NEK9: variants seen among roughly 807,000 people sequenced by gnomAD.
The protein encoded by NEK9 is serine/threonine-protein kinase Nek9.
Under a neutral mutation model 123.4 loss-of-function variants are expected in NEK9, and 75 were observed. The observed-to-expected ratio is 0.61, with a 90% CI of 0.50 to 0.74. The LOEUF (loss-of-function observed/expected upper bound fraction) is 0.74, where lower values mean the gene tolerates loss of function less well. NEK9 is among the 30% of genes least tolerant of loss of function. The pLI is 0.00. For missense variants in NEK9, 952 were observed against 1,214.4 expected (o/e 0.78, Z 3.21); for synonymous variants, 438 against 458.7 (o/e 0.95, Z 0.58).
chr14:75,087,314 A>C, intron 20 of NEK9, 84 bp from the exon 21 acceptor site: 1 of 957,932 alleles, frequency 1.0e-6, no homozygotes, highest in Non-Finnish European at 1.6e-6. Flanking sequence ...GTGCAATCGG[A>C]TTTTACTTTT....
chr14:75,102,643 T>G (rs175471), intron 14 of NEK9, among the ~76,000 whole-genome samples: 4 of 152,102 alleles, frequency 2.6e-5, no homozygotes, highest in Non-Finnish European at 5.9e-5. Flanking sequence ...TGAGCCACCG[T>G]GCCCGGCAAC....
Position 75,117,659 on chromosome 14 carries a change from T to C in NEK9, c.631-333A>G, listed in dbSNP as rs527935038. ...TACACAAACTTAAAGACATACTTAG[T>C]AGAAGTTCACCAATGGGAAAAAAAT... On this transcript the variant is annotated intron_variant, in intron 5 of 21. Coordinates refer to ENST00000238616, the MANE Select transcript of NEK9 (RefSeq NM_033116.6). 1.2e-4 allele frequency among the ~76,000 whole-genome samples: 18 copies of C among 152,202 alleles called. 1 individual carries two copies. Among genetic ancestry groups the C allele is most frequent in the Middle Eastern group, 3.4e-3 (1 of 294 alleles).
In NEK9 at chr14:75,088,643, T is replaced by A. The variant is rs1265939487; in HGVS notation, c.2443-2A>T. On this transcript the variant is annotated splice_acceptor_variant, in intron 19 of 21. Coordinates refer to ENST00000238616, the MANE Select transcript of NEK9 (RefSeq NM_033116.6). LOFTEE classifies it high-confidence loss of function. ...GATAAATTCTGCATTTTCCAGCTCCTATGTATATGAGAAAGAATCTCATTA... is the reference window on the plus strand; with the variant it reads ...GATAAATTCTGCATTTTCCAGCTCCAATGTATATGAGAAAGAATCTCATTA... The A allele has an allele frequency of 6.2e-7, 1 of 1,612,320 alleles. No homozygotes were observed. The highest frequency in any genetic ancestry group is 1.3e-5 in the African/African-American group (1 of 74,848).
At chr14:75,109,177 CACAG>C (rs1894879123) in intron 10 of NEK9, among the ~76,000 whole-genome samples, 1 of 152,154 alleles carries the variant, frequency 6.6e-6, no homozygotes. Context: ...AGACAGCAAA[CACAG>C]ACAATTTGTT....
chr14:75,090,722 C>G (rs1023354684), intron 19 of NEK9, among the ~76,000 whole-genome samples: 10 of 152,092 alleles, frequency 6.6e-5, no homozygotes, highest in African/African-American at 2.2e-4. Flanking sequence ...TAGGTGCACA[C>G]TACTACACCC....
chr14:75,088,390 C>A (rs1894092981), intron 20 of NEK9, 90 bp downstream of exon 20: 1 of 1,368,464 alleles, frequency 7.3e-7, no homozygotes. Context: ...GCAGCTGAAA[C>A]CCAAAAGCTA....
chr14:75,102,993 TGA>T (rs1421717980), intron 14 of NEK9, among the ~76,000 whole-genome samples: 1 of 145,728 alleles, frequency 6.9e-6, no homozygotes, highest in African/African-American at 2.6e-5. Context: ...AATTGAACAA[TGA>T]GAACACCTGG....
At chr14:75,109,020 G>A (rs1316029527) in intron 10 of NEK9, among the ~76,000 whole-genome samples, 3 of 152,180 alleles carry the variant, frequency 2.0e-5, no homozygotes, top group Non-Finnish European at 4.4e-5. Flanking sequence ...GCTGCCGAGA[G>A]GTCAAGCTAG....
intron 14 of NEK9, among the ~76,000 whole-genome samples, chr14:75,103,142 T>C (rs1894647117): frequency 6.6e-6 from 1 of 151,242 alleles, no homozygotes; most frequent in Non-Finnish European, 1.5e-5. Context: ...TGTATACATA[T>C]GTAACAAACC....
At chr14:75,107,549 T>TA (rs1331353837) in intron 10 of NEK9, 62 bp from the exon 11 acceptor site, 5 of 1,376,314 alleles carry the variant, frequency 3.6e-6, no homozygotes, top group Non-Finnish European at 4.8e-6. Flanking sequence ...ACTTAAATTT[T>TA]AAAGAGATGG....
intron 3 of NEK9, 136 bp from the exon 4 acceptor site, chr14:75,120,716 G>A: frequency 2.9e-6 from 2 of 687,284 alleles, no homozygotes; most frequent in Non-Finnish European, 4.9e-6. Flanking sequence ...TCTCTTCCTT[G>A]CAGGTTGAGT....
chr14:75,104,033 A>T (rs1293094435), intron 13 of NEK9, 36 bp from the exon 14 acceptor site: 1 of 1,576,362 alleles, frequency 6.3e-7, no homozygotes, highest in Admixed American at 1.9e-5. Context: ...AATCCCAAAT[A>T]TATAATTCGT....
chr14:75,125,931 G>T (rs556307166), intron 1 of NEK9, among the ~76,000 whole-genome samples: 1 of 152,252 alleles, frequency 6.6e-6, no homozygotes, highest in South Asian at 2.1e-4. Flanking sequence ...TCACTGCAGG[G>T]TTTTACACTA....
chr14:75,115,443 C>A (rs1352772522), intron 6 of NEK9, among the ~76,000 whole-genome samples: 1 of 152,124 alleles, frequency 6.6e-6, no homozygotes, highest in Non-Finnish European at 1.5e-5. Context: ...TTTTCTTCCA[C>A]CATACTATTT....
intron 19 of NEK9, among the ~76,000 whole-genome samples, chr14:75,089,816 A>G (rs1409933517): frequency 6.6e-6 from 1 of 151,922 alleles, no homozygotes; most frequent in Non-Finnish European, 1.5e-5. Context: ...CTCCTGCCTC[A>G]GCCTCCTGAG....
At chr14:75,099,312 G>A in intron 16 of NEK9, among the ~76,000 whole-genome samples, 1 of 151,360 alleles carries the variant, frequency 6.6e-6, no homozygotes, top group East Asian at 2.0e-4. Context: ...GTGACAGAGC[G>A]AGACTCTGTC....
chr14:75,085,387 C>T (rs1893989483), intron 21 of NEK9, among the ~76,000 whole-genome samples: 1 of 152,184 alleles, frequency 6.6e-6, no homozygotes, highest in Admixed American at 6.5e-5. Flanking sequence ...AGGTGAGAAA[C>T]CAGGGCTCAG....
rs951556519 is a variant in NEK9 at position 75,101,070 on chromosome 14, G to A, written c.1924C>T (p.Leu642=). 6.2e-6 allele frequency: 10 copies of A among 1,614,108 alleles called. No homozygotes were observed. In the African/African-American group the frequency reaches 1.3e-4, roughly 22 times the overall value. Residue 642 remains leucine (L), a synonymous_variant, in exon 16 of 22, where the codon CTG becomes TTG. Transcript: ENST00000238616. ...GNYKKRLGIN[L]LGGPLGGKQV... is the part of the protein sequence containing the mutation. ...TTCCCACCAAGGGGTCCCCCCAACA[G>A]GTTGATTCCCAGACGCTTCTTGTAG...
Position 75,087,149 on chromosome 14 carries a change from G to A in NEK9, c.2686C>T (p.Gln896Ter). ...TPPACACSSL[Q>*]VEVERLQGLV... ...CCCTGCAATCTCTCAACCTCCACCTGCAGAGAGCTGCACGCACACGCAGGA... is the reference window on the plus strand; with the variant it reads ...CCCTGCAATCTCTCAACCTCCACCTACAGAGAGCTGCACGCACACGCAGGA... The change falls in exon 21 of 22, where the codon CAG becomes TAG. Residue 896 changes from glutamine to a stop codon, truncating the protein, a stop_gained. Transcript: ENST00000238616. LOFTEE classifies it high-confidence loss of function. 6.2e-7 allele frequency: 1 copy of A among 1,614,156 alleles called. No homozygotes were observed. Among genetic ancestry groups the A allele is most frequent in the Non-Finnish European group, 8.5e-7 (1 of 1,180,028 alleles).
Sources: allele counts gnomAD v4.1 joint callset (sites outside exome capture counted in the v4.1 genomes callset), GRCh38; gene constraint gnomAD v4.1.1; transcripts MANE v1.5; gene names NCBI Gene and HGNC (gene_info 2026-07-23, HGNC 2026-07-21).